The following SPOCK3 variants were observed in gnomAD, a reference collection of about 807,000 sequenced individuals.
SPOCK3 encodes the protein testican-3.
SPOCK3 carries 30 observed loss-of-function variants against 56.6 expected under a neutral mutation model. That is an observed-to-expected ratio of 0.53 (90% CI 0.40 to 0.72). The LOEUF (loss-of-function observed/expected upper bound fraction) is 0.72. Ranked by LOEUF, SPOCK3 falls within the 30% of genes least tolerant of loss-of-function variation. The pLI is 0.00. For missense variants in SPOCK3, 527 were observed against 530.0 expected, an observed-to-expected ratio of 0.99 and a Z score of 0.06; for synonymous variants, 196 against 183.3, an observed-to-expected ratio of 1.07 and a Z score of -0.56.
chr4:166,944,208 A>G (rs1216363570), intron 4 of SPOCK3, among the ~76,000 whole-genome samples: 1 of 152,212 alleles, frequency 6.6e-6, no homozygotes, highest in Non-Finnish European at 1.5e-5. Flanking sequence ...TCTTCAAAAC[A>G]GAGAAGTGTC....
intron 2 of SPOCK3, among the ~76,000 whole-genome samples, chr4:167,152,361 A>C (rs1764499427): frequency 6.6e-6 from 1 of 152,220 alleles, no homozygotes; most frequent in South Asian, 2.1e-4. Context: ...CAAAATGATT[A>C]AGGATAGAAA....
intron 2 of SPOCK3, among the ~76,000 whole-genome samples, chr4:167,074,033 C>T (rs1288400257): frequency 1.3e-5 from 2 of 150,412 alleles, no homozygotes; most frequent in African/African-American, 4.9e-5. Context: ...AATAATACTG[C>T]CAAATAATCA....
intron 2 of SPOCK3, 85 bp downstream of exon 2, chr4:167,233,900 A>T (rs1737445206): frequency 8.3e-7 from 1 of 1,211,368 alleles, no homozygotes; most frequent in South Asian, 1.3e-5. Context: ...AACGGAGCCC[A>T]CTCCCCACCC....
intron 4 of SPOCK3, among the ~76,000 whole-genome samples, chr4:166,935,983 A>G (rs1740359715): frequency 6.6e-6 from 1 of 152,218 alleles, no homozygotes; most frequent in South Asian, 2.1e-4. Context: ...TCAGGTTTGG[A>G]AAGTTCAGAT....
chr4:166,801,181 T>C (rs546178563), intron 6 of SPOCK3, among the ~76,000 whole-genome samples: 52 of 152,246 alleles, frequency 3.4e-4, no homozygotes, highest in African/African-American at 1.3e-3. Flanking sequence ...AATGATAAAA[T>C]ATATTATTGA....
intron 7 of SPOCK3, among the ~76,000 whole-genome samples, chr4:166,778,511 G>C (rs1400732162): frequency 6.6e-6 from 1 of 152,108 alleles, no homozygotes; most frequent in African/African-American, 2.4e-5. Flanking sequence ...CGAGGGGAAG[G>C]GGTAAACAGC....
At chr4:167,176,360 G>A (rs772265073) in intron 2 of SPOCK3, among the ~76,000 whole-genome samples, 9 of 152,022 alleles carry the variant, frequency 5.9e-5, no homozygotes, top group East Asian at 1.9e-4. Flanking sequence ...ATTAGCACAC[G>A]GAAGCAACCA....
At chr4:166,853,156 A>C (rs1460654822) in intron 6 of SPOCK3, among the ~76,000 whole-genome samples, 1 of 152,212 alleles carries the variant, frequency 6.6e-6, no homozygotes, top group Admixed American at 6.5e-5. Flanking sequence ...GTATCCATTT[A>C]GATATTGAAA....
chr4:167,214,297 A>G (rs1735155276), intron 2 of SPOCK3, among the ~76,000 whole-genome samples: 1 of 152,154 alleles, frequency 6.6e-6, no homozygotes, highest in South Asian at 2.1e-4. Flanking sequence ...ATTTGTCGTT[A>G]TCTTTTTTAA....
chr4:167,037,736 T>C (rs1654033689), intron 3 of SPOCK3, among the ~76,000 whole-genome samples: 1 of 152,178 alleles, frequency 6.6e-6, no homozygotes, highest in African/African-American at 2.4e-5. Flanking sequence ...CTAGAACACC[T>C]AACTTAAGTG....
At chr4:166,776,808 A>G (rs1223355419) in intron 7 of SPOCK3, among the ~76,000 whole-genome samples, 1 of 152,196 alleles carries the variant, frequency 6.6e-6, no homozygotes, top group Non-Finnish European at 1.5e-5. Context: ...CATCTGCTGG[A>G]TGCAGATGCC....
intron 4 of SPOCK3, among the ~76,000 whole-genome samples, chr4:166,960,456 C>T (rs570916449): frequency 2.0e-5 from 3 of 152,288 alleles, no homozygotes; most frequent in African/African-American, 7.2e-5. Flanking sequence ...TATGTGTCTG[C>T]TGTCTCAGAA....
chr4:166,902,465 C>A (rs914931566), intron 5 of SPOCK3, among the ~76,000 whole-genome samples: 3 of 151,868 alleles, frequency 2.0e-5, no homozygotes, highest in African/African-American at 7.2e-5. Flanking sequence ...TGTGTTATTA[C>A]TTCTGATTAC....
chr4:166,854,410 T>A (rs1350540824), intron 6 of SPOCK3, among the ~76,000 whole-genome samples: 1 of 152,224 alleles, frequency 6.6e-6, no homozygotes, highest in African/African-American at 2.4e-5. Context: ...TGTTTGGTAC[T>A]GTTTGTTCAG....
chr4:167,222,021 C>G (rs1735969250), intron 2 of SPOCK3, among the ~76,000 whole-genome samples: 1 of 152,082 alleles, frequency 6.6e-6, no homozygotes, highest in South Asian at 2.1e-4. Flanking sequence ...TTCATAGCAG[C>G]ATTATTTACA....
intron 3 of SPOCK3, 70 bp downstream of exon 3, chr4:167,062,422 A>G: frequency 8.1e-7 from 1 of 1,231,036 alleles, no homozygotes; most frequent in Non-Finnish European, 1.2e-6. Context: ...CAGACAGTAA[A>G]TATCATTTCT....
intron 6 of SPOCK3, among the ~76,000 whole-genome samples, chr4:166,847,721 T>C (rs947095017): frequency 8.4e-5 from 12 of 143,270 alleles, no homozygotes; most frequent in South Asian, 4.5e-4. Flanking sequence ...GCAATGACAA[T>C]TTTCAGGATT....
chr4:166,879,000 C>T (rs762806256), intron 6 of SPOCK3, among the ~76,000 whole-genome samples: 43 of 151,994 alleles, frequency 2.8e-4, no homozygotes, highest in Non-Finnish European at 5.4e-4. Flanking sequence ...ATTAATCTAG[C>T]CCTTTTACTT....
intron 4 of SPOCK3, among the ~76,000 whole-genome samples, chr4:166,946,020 C>T (rs1741693547): frequency 8.9e-6 from 1 of 112,408 alleles, no homozygotes; most frequent in African/African-American, 3.4e-5. Context: ...CTCTGCAAAA[C>T]TTCTTGCATT....
Sources: gnomAD v4.1 joint callset for allele counts (sites outside exome capture counted in the v4.1 genomes callset) on GRCh38, gnomAD v4.1.1 for gene constraint, MANE v1.5 for transcripts, NCBI Gene and HGNC (gene_info 2026-07-23, HGNC 2026-07-21) for gene names.